Variants in CDC42SE2 observed in about 807,000 individuals in gnomAD.
CDC42SE2 encodes the protein CDC42 small effector 2.
Under a neutral mutation model 11.5 loss-of-function variants are expected in CDC42SE2, and 3 were observed. The observed-to-expected ratio is 0.26, with a 90% CI of 0.12 to 0.67. The LOEUF (loss-of-function observed/expected upper bound fraction) is 0.67, where lower values mean the gene tolerates loss of function less well. Among genes scored for constraint, CDC42SE2 ranks in the 30% least tolerant of loss-of-function variants. The pLI is 0.80. For missense variants in CDC42SE2, 82 were observed against 106.8 expected, an observed-to-expected ratio of 0.77 and a Z score of 1.02; for synonymous variants, 33 against 34.8, an observed-to-expected ratio of 0.95 and a Z score of 0.18.
At chr5:131,382,342 G>T (rs1580789613) in intron 3 of CDC42SE2, among the ~76,000 whole-genome samples, 1 of 152,040 alleles carries the variant, frequency 6.6e-6, no homozygotes, top group Admixed American at 6.6e-5. Context: ...ATTCTTTTTG[G>T]GTGAGATGGG....
chr5:131,249,633 A>T (rs1402972638), intron 1 of CDC42SE2, among the ~76,000 whole-genome samples: 1 of 152,246 alleles, frequency 6.6e-6, no homozygotes, highest in Non-Finnish European at 1.5e-5. Flanking sequence ...AACAAAAGTT[A>T]AAAACTCTTT....
intron 1 of CDC42SE2, among the ~76,000 whole-genome samples, chr5:131,269,024 C>G (rs973566091): frequency 6.6e-6 from 1 of 152,144 alleles, no homozygotes; most frequent in African/African-American, 2.4e-5. Flanking sequence ...GCTGGTATTA[C>G]AAGCGTGAGC....
At chr5:131,223,847 A>G in the CDC42SE2 span, among the ~76,000 whole-genome samples, 99 of 152,274 alleles carry the variant, frequency 6.5e-4, no homozygotes, top group African/African-American at 2.3e-3. Flanking sequence ...ACTGGCCCCA[A>G]TAAGGCTTTT....
intron 1 of CDC42SE2, among the ~76,000 whole-genome samples, chr5:131,278,721 C>T (rs1227737684): frequency 6.4e-5 from 2 of 31,024 alleles, no homozygotes; most frequent in Non-Finnish European, 1.2e-4. Flanking sequence ...TCTCCCCTCC[C>T]CTCCCCCCTC....
At chr5:131,212,534 C>G in the CDC42SE2 span, among the ~76,000 whole-genome samples, 1 of 152,254 alleles carries the variant, frequency 6.6e-6, no homozygotes, top group African/African-American at 2.4e-5. Flanking sequence ...CAGGTCCTAG[C>G]TTTACACCAA....
intron 3 of CDC42SE2, among the ~76,000 whole-genome samples, chr5:131,383,589 G>A (rs1360604294): frequency 1.3e-5 from 2 of 152,086 alleles, no homozygotes; most frequent in Non-Finnish European, 2.9e-5. Flanking sequence ...TGTCATAACA[G>A]CCTCTGAAAA....
chr5:131,313,335 C>A (rs1427729660), intron 1 of CDC42SE2, among the ~76,000 whole-genome samples: 1 of 152,120 alleles, frequency 6.6e-6, no homozygotes, highest in Non-Finnish European at 1.5e-5. Flanking sequence ...GCTTATCTTT[C>A]ATTCTGTTAA....
chr5:131,334,972 T>C (rs949755026), intron 2 of CDC42SE2, among the ~76,000 whole-genome samples: 2 of 152,222 alleles, frequency 1.3e-5, no homozygotes, highest in African/African-American at 4.8e-5. Context: ...TTCCTTCAGT[T>C]CTGCTCTGAT....
chr5:131,374,983 A>ACAATATCATTAATACTTGAAAGCTAGTT (rs1750110458), intron 3 of CDC42SE2, among the ~76,000 whole-genome samples: 2 of 152,022 alleles, frequency 1.3e-5, no homozygotes, highest in South Asian at 4.2e-4. Context: ...AATGATATTA[A>ACAATATCATTAATACTTGAAAGCTAGTT]CAATATCATT....
intron 1 of CDC42SE2, among the ~76,000 whole-genome samples, chr5:131,289,024 A>G (rs1169042443): frequency 6.6e-6 from 1 of 152,012 alleles, no homozygotes; most frequent in Admixed American, 6.6e-5. Flanking sequence ...TATTCTATAC[A>G]TTTTTTTTGT....
chr5:131,291,956 A>G (rs114102485), intron 1 of CDC42SE2, among the ~76,000 whole-genome samples: 1 of 152,088 alleles, frequency 6.6e-6, no homozygotes, highest in Non-Finnish European at 1.5e-5. Context: ...AAAAATGAGT[A>G]TCTTTGGCTG....
At chr5:131,365,798 T>C (rs1003284176) in intron 3 of CDC42SE2, among the ~76,000 whole-genome samples, 20 of 152,228 alleles carry the variant, frequency 1.3e-4, no homozygotes, top group Admixed American at 8.5e-4. Flanking sequence ...CTGGCTAATG[T>C]GGTGAAACCC....
chr5:131,272,115 A>T (rs1268759975), intron 1 of CDC42SE2, among the ~76,000 whole-genome samples: 2 of 151,858 alleles, frequency 1.3e-5, no homozygotes, highest in Non-Finnish European at 2.9e-5. Context: ...GGTTCAAGTG[A>T]TTCTCCTGCC....
chr5:131,212,909 G>T, the CDC42SE2 span, among the ~76,000 whole-genome samples: 1 of 151,812 alleles, frequency 6.6e-6, no homozygotes, highest in East Asian at 1.9e-4. Context: ...ATAATAATCC[G>T]GCTGGGCATG....
chr5:131,286,813 A>G (rs1757351327), intron 1 of CDC42SE2, among the ~76,000 whole-genome samples: 1 of 151,826 alleles, frequency 6.6e-6, no homozygotes, highest in African/African-American at 2.4e-5. Flanking sequence ...TATATAATAC[A>G]TATACTAGAT....
At chr5:131,263,665 C>G (rs1436339812), upstream of CDC42SE2, 1 of 151,678 alleles carries the variant, frequency 6.6e-6, no homozygotes, top group Non-Finnish European at 1.5e-5. Flanking sequence ...TCCACCGCCC[C>G]ACAACGTGCG....
chr5:131,382,136 C>T (rs1750345896), intron 3 of CDC42SE2, among the ~76,000 whole-genome samples: 2 of 152,186 alleles, frequency 1.3e-5, no homozygotes, highest in South Asian at 4.1e-4. Context: ...TTTTCACATT[C>T]ATATATATTA....
upstream of CDC42SE2, among the ~76,000 whole-genome samples, chr5:131,241,009 T>C (rs1335322848): frequency 6.6e-6 from 1 of 152,030 alleles, no homozygotes; most frequent in Non-Finnish European, 1.5e-5. Context: ...GACGGAGTCT[T>C]GCTCTGTCGC....
At chr5:131,329,952 A>G (rs540923044) in intron 2 of CDC42SE2, among the ~76,000 whole-genome samples, 1 of 149,388 alleles carries the variant, frequency 6.7e-6, no homozygotes, top group Non-Finnish European at 1.5e-5. Flanking sequence ...CTATCACTGT[A>G]TAACAAACTA....
Sources: gnomAD v4.1 joint callset for allele counts (sites outside exome capture counted in the v4.1 genomes callset) on GRCh38, gnomAD v4.1.1 for gene constraint, MANE v1.5 for transcripts, NCBI Gene and HGNC (gene_info 2026-07-23, HGNC 2026-07-21) for gene names.